The following KAT6A variants were observed in gnomAD, a reference collection of about 807,000 sequenced individuals.
KAT6A encodes the protein histone acetyltransferase KAT6A.
A neutral mutation model predicts 198.4 loss-of-function variants in KAT6A; 9 were observed. The ratio of observed to expected loss-of-function variants is 0.05; its 90% CI spans 0.03 to 0.08. KAT6A has a LOEUF of 0.08. KAT6A is among the 10% of genes least tolerant of loss of function. KAT6A has a pLI of 1.00. For synonymous variants in KAT6A, 890 were observed against 883.0 expected, an observed-to-expected ratio of 1.01 and a Z score of -0.14; for missense variants, 2,077 against 2,509.9, an observed-to-expected ratio of 0.83 and a Z score of 3.69.
chr8:41,980,407 A>C (rs1182219242), intron 5 of KAT6A, among the ~76,000 whole-genome samples: 1 of 152,160 alleles, frequency 6.6e-6, no homozygotes, highest in Non-Finnish European at 1.5e-5. Context: ...GTATTTCATA[A>C]AAAGGTTTTT....
rs571326520 is a variant in KAT6A, at chr8:41,997,419, A to G, written c.601-9856T>C. ...TATAATTGTAGCCCATCAAAAATGGAAAAAAAAGTTACTAATAACAATTAT... is the reference window on the plus strand; with the variant it reads ...TATAATTGTAGCCCATCAAAAATGGGAAAAAAAGTTACTAATAACAATTAT... On this transcript the variant is annotated intron_variant, in intron 2 of 16. Transcript: ENST00000265713. Among the ~76,000 whole-genome samples, 58 of 152,158 alleles carry G rather than the reference A, an allele frequency of 3.8e-4. No individual in the cohort carries two copies. The East Asian group carries it at 6.0e-3, about 16-fold the overall frequency.
In KAT6A at chr8:42,044,617, T is replaced by C. The variant is rs540806328; in HGVS notation, c.600+3761A>G. ...ACCAAAAAAAAACAAAAAGTTAGAA[T>C]TGATACCAGAAAAAGTAAAGAGGAA... On this transcript the variant is annotated intron_variant, in intron 2 of 16. Coordinates refer to ENST00000265713, the MANE Select transcript of KAT6A (RefSeq NM_006766.5). Among the ~76,000 whole-genome samples, 29 of 152,244 alleles carry C rather than the reference T, an allele frequency of 1.9e-4. No individual in the cohort carries two copies. In the South Asian group the frequency reaches 4.8e-3, roughly 25 times the overall value.
intron 2 of KAT6A, among the ~76,000 whole-genome samples, chr8:42,016,133 ATAAGT>A (rs908268156): frequency 5.3e-5 from 8 of 152,336 alleles, no homozygotes; most frequent in South Asian, 2.1e-4. Context: ...CCTTACACAA[ATAAGT>A]TAAGTTAGCA....
chr8:41,934,621 C>T lies in KAT6A; in HGVS notation c.3599G>A (p.Arg1200His), dbSNP rs140223219. 82 of 1,613,992 alleles carry T rather than the reference C, an allele frequency of 5.1e-5. No homozygotes were observed. Among genetic ancestry groups the T allele is most frequent in the Non-Finnish European group, 6.3e-5 (74 of 1,180,042 alleles). Reference sequence around the variant, plus strand: ...TTCACTCTCCTGGATCTTGGGTTTACGTCCAGCTTTAGGAATGGAAACGAT... The same window carrying T: ...TTCACTCTCCTGGATCTTGGGTTTATGTCCAGCTTTAGGAATGGAAACGAT... ...EPIVSIPKAG[R>H]KPKIQESEET... The change falls in exon 17 of 17, where the codon CGT becomes CAT. Residue 1200 changes from arginine (R) to histidine (H), a missense_variant. Around this residue, in one of 13 missense-constraint regions of KAT6A, gnomAD observed 375 missense variants for 383.0 expected, o/e 0.98. Coordinates refer to ENST00000265713, the MANE Select transcript of KAT6A (RefSeq NM_006766.5).
intron 8 of KAT6A, chr8:41,958,064 T>A (rs544868592): frequency 2.0e-5 from 3 of 152,320 alleles, no homozygotes; most frequent in South Asian, 4.1e-4. Context: ...ATTATCAGTG[T>A]GAGGCTGGGA....
chr8:41,937,519 T>C lies in KAT6A; in HGVS notation c.3089A>G (p.Asn1030Ser). Residue 1030 changes from asparagine to serine, a missense_variant, in exon 16 of 17, where the codon AAT becomes AGT. Asn to Ser is a conservative substitution (Grantham distance 46, BLOSUM62 1). Around this residue, in one of 13 missense-constraint regions of KAT6A, gnomAD observed 19 missense variants for 40.5 expected, o/e 0.47. Coordinates refer to ENST00000265713, the MANE Select transcript of KAT6A (RefSeq NM_006766.5). ...RRRVRKRKHH[N>S]SSVVTETISE... ...AATAGTTTCTGTGACTACACTGCTA[T>C]TGTGGTGTTTGCGCTTTCGGACTCT... 1 of 1,614,106 alleles carries C rather than the reference T, an allele frequency of 6.2e-7. No homozygotes were observed. The highest frequency in any genetic ancestry group is 8.5e-7 in the Non-Finnish European group (1 of 1,179,964).
At chr8:42,028,084 A>G (rs755966048) in intron 2 of KAT6A, among the ~76,000 whole-genome samples, 2 of 152,126 alleles carry the variant, frequency 1.3e-5, no homozygotes, top group African/African-American at 2.4e-5. Context: ...CTGGATATCT[A>G]GTTTTATTCC....
chr8:41,989,530 C>CGTGAT (rs1330382370), intron 2 of KAT6A, among the ~76,000 whole-genome samples: 1 of 150,572 alleles, frequency 6.6e-6, no homozygotes, highest in Admixed American at 6.6e-5. Context: ...CATAACGTAA[C>CGTGAT]GTGACGTGAC....
At chr8:41,944,219 C>T (rs1822273165) in intron 12 of KAT6A, among the ~76,000 whole-genome samples, 1 of 151,978 alleles carries the variant, frequency 6.6e-6, no homozygotes, top group Admixed American at 6.6e-5. Flanking sequence ...TAATATCAAT[C>T]ACCTTGTTAA....
intron 2 of KAT6A, among the ~76,000 whole-genome samples, chr8:42,040,757 A>AAG (rs1827625046): frequency 6.7e-6 from 1 of 149,764 alleles, no homozygotes; most frequent in East Asian, 2.0e-4. Flanking sequence ...AAAAAAAAAA[A>AAG]AAAGAAAGAA....
chr8:41,965,297 A>G (rs1021245763), intron 8 of KAT6A, among the ~76,000 whole-genome samples: 1 of 152,188 alleles, frequency 6.6e-6, no homozygotes, highest in Non-Finnish European at 1.5e-5. Flanking sequence ...ATGTCCATAA[A>G]TATTATTCTT....
intron 15 of KAT6A, among the ~76,000 whole-genome samples, 175 bp from the exon 16 acceptor site, chr8:41,937,743 T>C (rs1413226577): frequency 5.3e-5 from 8 of 152,212 alleles, no homozygotes. Flanking sequence ...ACACTTATTA[T>C]AAATACAAAG....
chr8:41,974,854 T>G, intron 7 of KAT6A, 32 bp from the exon 8 acceptor site: 48 of 1,284,046 alleles, frequency 3.7e-5, no homozygotes, highest in Non-Finnish European at 4.8e-5. Flanking sequence ...ACATGTTAAC[T>G]GTCCCCAGAT....
At chr8:42,002,583 C>T (rs578152543) in intron 2 of KAT6A, among the ~76,000 whole-genome samples, 2 of 151,988 alleles carry the variant, frequency 1.3e-5, no homozygotes, top group Admixed American at 6.6e-5. Flanking sequence ...AAAAACAGAA[C>T]GAAACAAAAC....
At chr8:42,016,055 C>T (rs779072805) in intron 2 of KAT6A, among the ~76,000 whole-genome samples, 16 of 152,134 alleles carry the variant, frequency 1.1e-4, no homozygotes, top group Non-Finnish European at 1.3e-4. Context: ...AGAAACTGCA[C>T]GTTAACAGCA....
At chr8:41,998,354 T>C (rs1825327832) in intron 2 of KAT6A, among the ~76,000 whole-genome samples, 2 of 152,176 alleles carry the variant, frequency 1.3e-5, no homozygotes, top group Non-Finnish European at 2.9e-5. Context: ...TCATCCTTTG[T>C]TGGAAAGTGT....
At chr8:42,050,648 G>A (rs1476562199) in intron 1 of KAT6A, among the ~76,000 whole-genome samples, 6 of 152,172 alleles carry the variant, frequency 3.9e-5, no homozygotes, top group South Asian at 2.1e-4. Flanking sequence ...TCAATTTGGT[G>A]AGGGTCTCAA....
At chr8:42,035,223 G>A (rs577210475) in intron 2 of KAT6A, among the ~76,000 whole-genome samples, 10 of 152,308 alleles carry the variant, frequency 6.6e-5, no homozygotes, top group African/African-American at 2.4e-4. Flanking sequence ...TATGGAAGAT[G>A]ACACCAAAGT....
chr8:41,972,707 A>G (rs1002438675), intron 8 of KAT6A, among the ~76,000 whole-genome samples: 5 of 152,244 alleles, frequency 3.3e-5, no homozygotes, highest in African/African-American at 4.8e-5. Context: ...ATTAGATAAT[A>G]GTACTTAATT....
Sources: gnomAD v4.1 joint callset for allele counts (sites outside exome capture counted in the v4.1 genomes callset) on GRCh38, gnomAD v4.1.1 for gene constraint, gnomAD v4.1.1 regional missense constraint, MANE v1.5 for transcripts, NCBI Gene and HGNC (gene_info 2026-07-23, HGNC 2026-07-21) for gene names.